The following CDH7 variants were observed in gnomAD, a reference collection of about 807,000 sequenced individuals.
The protein encoded by CDH7 is cadherin-7.
Under a neutral mutation model 71.8 loss-of-function variants are expected in CDH7, and 25 were observed. The observed-to-expected ratio is 0.35, with a 90% CI of 0.25 to 0.49. The LOEUF (loss-of-function observed/expected upper bound fraction) is 0.49. Ranked by LOEUF, CDH7 falls within the 20% of genes least tolerant of loss-of-function variation. The pLI is 0.99. For synonymous variants in CDH7, 381 were observed against 363.8 expected, an observed-to-expected ratio of 1.05 and a Z score of -0.54; for missense variants, 862 against 974.6, an observed-to-expected ratio of 0.88 and a Z score of 1.54.
chr18:65,824,199 C>T (rs1280250533), intron 5 of CDH7, among the ~76,000 whole-genome samples: 3 of 151,646 alleles, frequency 2.0e-5, no homozygotes, highest in African/African-American at 7.3e-5. Context: ...TAAATTCCAA[C>T]ATTAAGTTAT....
At chr18:65,796,332 A>G (rs1353662015) in intron 2 of CDH7, among the ~76,000 whole-genome samples, 1 of 152,146 alleles carries the variant, frequency 6.6e-6, no homozygotes, top group Non-Finnish European at 1.5e-5. Flanking sequence ...TTTGGATACA[A>G]TAGTCTGAAA....
chr18:65,766,999 G>A (rs1049981293), intron 2 of CDH7, among the ~76,000 whole-genome samples: 9 of 147,944 alleles, frequency 6.1e-5, no homozygotes, highest in African/African-American at 1.5e-4. Flanking sequence ...GATGCCAGCC[G>A]ATCGCTGTGC....
At chr18:65,859,133 T>C in intron 9 of CDH7, 87 bp downstream of exon 9, 2 of 1,250,652 alleles carry the variant, frequency 1.6e-6, no homozygotes, top group East Asian at 4.7e-5. Flanking sequence ...CTTCCAGCTT[T>C]AAGATAAAAT....
rs994420445 is a variant in CDH7, at chr18:65,888,723, A to C, written c.*7829A>C. Reference sequence around the variant, plus strand: ...TTTAAGGAAAAACTTTGATGCCCAGAATAACTGTAACTTATGCAAACACAC... The same window carrying C: ...TTTAAGGAAAAACTTTGATGCCCAGCATAACTGTAACTTATGCAAACACAC... On this transcript the variant is annotated 3_prime_UTR_variant, in exon 12 of 12. Transcript: ENST00000397968. 4.1e-5 allele frequency: 6 copies of C among 145,680 alleles called. No individual in the cohort carries two copies. Among genetic ancestry groups the C allele is most frequent in the South Asian group, 2.3e-4 (1 of 4,310 alleles). 9.0% of individuals were successfully genotyped at this position (145,680 alleles called of 1,614,324 possible). A position where few individuals can be genotyped will look rare whatever the true frequency, so the allele number is the denominator to read the frequency against.
intron 2 of CDH7, among the ~76,000 whole-genome samples, chr18:65,777,388 A>C (rs1039954401): frequency 1.1e-4 from 16 of 152,162 alleles, no homozygotes; most frequent in African/African-American, 3.1e-4. Context: ...TGTTAAACGT[A>C]CCAAAAGCTC....
intron 8 of CDH7, among the ~76,000 whole-genome samples, chr18:65,858,348 AAAT>A (rs1353022657): frequency 2.0e-5 from 3 of 152,018 alleles, no homozygotes; most frequent in African/African-American, 7.2e-5. Context: ...ATAAAAGATA[AAAT>A]AATAAATAAA....
At chr18:65,871,716 A>C (rs1282448898) in intron 11 of CDH7, among the ~76,000 whole-genome samples, 2 of 152,202 alleles carry the variant, frequency 1.3e-5, no homozygotes, top group African/African-American at 4.8e-5. Context: ...ATGGTGTATG[A>C]GTGAGAGCCA....
intron 2 of CDH7, among the ~76,000 whole-genome samples, chr18:65,784,761 T>C (rs1435340901): frequency 6.6e-6 from 1 of 152,194 alleles, no homozygotes; most frequent in Non-Finnish European, 1.5e-5. Context: ...CGCTAAGCTT[T>C]TGATTTTTGC....
At chr18:65,772,772 G>A (rs75635630) in intron 2 of CDH7, among the ~76,000 whole-genome samples, 4,462 of 152,158 alleles carry the variant, frequency 0.029, 203 homozygotes, top group African/African-American at 0.1. Flanking sequence ...AAAAACACAA[G>A]CTTTATTACA....
intron 7 of CDH7, among the ~76,000 whole-genome samples, chr18:65,855,951 C>A (rs1207460287): frequency 6.6e-6 from 1 of 151,506 alleles, no homozygotes; most frequent in Non-Finnish European, 1.5e-5. Context: ...CAATATAATG[C>A]ATCATATTAA....
At chr18:65,790,210 G>C (rs1343074819) in intron 2 of CDH7, among the ~76,000 whole-genome samples, 1 of 105,540 alleles carries the variant, frequency 9.5e-6, no homozygotes, top group African/African-American at 4.1e-5. Context: ...GACAGAGTAA[G>C]ACTCTCTCTC....
At chr18:65,798,595 A>C (rs1053362711) in intron 2 of CDH7, among the ~76,000 whole-genome samples, 10 of 152,180 alleles carry the variant, frequency 6.6e-5, no homozygotes, top group Non-Finnish European at 2.9e-5. Context: ...GAAAAGAAGG[A>C]AGTAGGATTG....
intron 2 of CDH7, among the ~76,000 whole-genome samples, chr18:65,799,191 C>T (rs770808830): frequency 1.3e-5 from 2 of 151,978 alleles, no homozygotes; most frequent in Non-Finnish European, 2.9e-5. Context: ...GTAAGAGAAG[C>T]CCACCTGCTC....
At chr18:65,803,973 C>T (rs111455338) in intron 2 of CDH7, among the ~76,000 whole-genome samples, 5 of 151,482 alleles carry the variant, frequency 3.3e-5, no homozygotes, top group African/African-American at 7.2e-5. Flanking sequence ...TTTTCTTATT[C>T]CAACGTTCAT....
chr18:65,821,920 A>G (rs1417572928), intron 4 of CDH7, among the ~76,000 whole-genome samples, 161 bp from the exon 5 acceptor site: 3 of 152,186 alleles, frequency 2.0e-5, no homozygotes, highest in Non-Finnish European at 4.4e-5. Flanking sequence ...GTGTAAAACT[A>G]TCCTATTTCT....
intron 2 of CDH7, among the ~76,000 whole-genome samples, chr18:65,774,630 G>A (rs8097203): frequency 0.36 from 54,288 of 151,704 alleles, 10,249 homozygotes; most frequent in Middle Eastern, 0.47. Context: ...CCTCGGGGCC[G>A]TCATTGGGAG....
chr18:65,843,972 T>G lies in CDH7; in HGVS notation c.1142T>G (p.Leu381Trp). The change falls in exon 7 of 12, where the codon TTG becomes TGG. Residue 381 changes from leucine (L) to tryptophan (W), a missense_variant. Physicochemically the swap from Leu to Trp is moderately conservative, Grantham distance 61. Transcript: ENST00000397968. ...GAGCCCCCTGTGTTCTCTTCACCCT[T>G]GTACCCTATGGAGGTGTCGGAAGCT... ...VDEPPVFSSP[L>W]YPMEVSEATQ... The G allele has an allele frequency of 1.2e-6, 2 of 1,612,968 alleles. No individual in the cohort carries two copies. Among genetic ancestry groups the G allele is most frequent in the Non-Finnish European group, 1.7e-6 (2 of 1,179,368 alleles).
At chr18:65,756,270 T>A (rs924897298) in intron 1 of CDH7, among the ~76,000 whole-genome samples, 1 of 152,226 alleles carries the variant, frequency 6.6e-6, no homozygotes, top group South Asian at 2.1e-4. Flanking sequence ...TGTACTATTA[T>A]GTTTCATAGG....
rs377013207 is a variant in CDH7, at chr18:65,796,331, A to G, written c.211-13373A>G. 1.4e-4 allele frequency among the ~76,000 whole-genome samples: 21 copies of G among 152,248 alleles called. 1 individual carries two copies. The highest frequency in any genetic ancestry group is 4.8e-4 in the African/African-American group (20 of 41,564). ...TATAGAATAAATTTTTTTTGGATAC[A>G]ATAGTCTGAAAATGTTCTAAAAACA... On this transcript the variant is annotated intron_variant, in intron 2 of 11. Coordinates refer to ENST00000397968, the MANE Select transcript of CDH7 (RefSeq NM_004361.5).
Sources: allele counts gnomAD v4.1 joint callset (sites outside exome capture counted in the v4.1 genomes callset), GRCh38; gene constraint gnomAD v4.1.1; transcripts MANE v1.5; gene names NCBI Gene and HGNC (gene_info 2026-07-23, HGNC 2026-07-21).